The following KCNB2 variants were observed in gnomAD, a reference collection of about 807,000 sequenced individuals.
The protein encoded by KCNB2 is delayed rectifier potassium channel protein.
Under a neutral mutation model 61.5 loss-of-function variants are expected in KCNB2, and 15 were observed. That is an observed-to-expected ratio of 0.24 (90% confidence interval 0.16 to 0.38). KCNB2 has a LOEUF of 0.38. Ranked by LOEUF, KCNB2 falls within the 10% of genes least tolerant of loss-of-function variation. The pLI is 1.00. For synonymous variants in KCNB2, 457 were observed against 446.0 expected (o/e 1.02, Z -0.31); for missense variants, 828 against 1,125.2 (o/e 0.74, Z 3.78).
intron 2 of KCNB2, among the ~76,000 whole-genome samples, chr8:72,797,724 A>G (rs1379172796): frequency 6.6e-6 from 1 of 152,174 alleles, no homozygotes; most frequent in Non-Finnish European, 1.5e-5. Flanking sequence ...TTACAGGGAC[A>G]TGGCCTGAAC....
intron 2 of KCNB2, among the ~76,000 whole-genome samples, chr8:72,734,435 T>C (rs980007161): frequency 2.6e-5 from 4 of 152,242 alleles, no homozygotes; most frequent in African/African-American, 9.6e-5. Context: ...AACTGTTGGA[T>C]ATAAAGGGAG....
chr8:72,718,626 G>T (rs1423271665), intron 2 of KCNB2, among the ~76,000 whole-genome samples: 1 of 141,834 alleles, frequency 7.1e-6, no homozygotes, highest in Non-Finnish European at 1.5e-5. Context: ...AGAACACATG[G>T]ACACAGGAAG....
rs192912087 is a variant in KCNB2 at position 72,913,870 on chromosome 8, T to A, written c.580-22065T>A. On this transcript the variant is annotated intron_variant, in intron 2 of 2. Coordinates refer to ENST00000523207, the MANE Select transcript of KCNB2 (RefSeq NM_004770.3). ...ATTGTTTGAATTCTCTCTTGTGACA[T>A]GTCAGTTGGTTGATGTTGAGATTGT... Among the ~76,000 whole-genome samples, 8 of 152,334 alleles carry A rather than the reference T, an allele frequency of 5.3e-5. No homozygotes were observed. In the East Asian group the frequency reaches 9.6e-4, roughly 18 times the overall value.
chr8:72,566,473 G>T (rs1041632401), intron 1 of KCNB2, among the ~76,000 whole-genome samples: 27 of 152,036 alleles, frequency 1.8e-4, no homozygotes, highest in Middle Eastern at 6.8e-3. Context: ...GCCAAGGCCA[G>T]CGGATTGCTT....
intron 2 of KCNB2, among the ~76,000 whole-genome samples, chr8:72,708,200 T>A (rs924616304): frequency 3.9e-5 from 6 of 152,132 alleles, no homozygotes; most frequent in Non-Finnish European, 7.4e-5. Context: ...GAGCAAGATA[T>A]CGGGAAGGGT....
At chr8:72,933,547 T>C (rs1806834333) in intron 2 of KCNB2, among the ~76,000 whole-genome samples, 2 of 152,240 alleles carry the variant, frequency 1.3e-5, no homozygotes, top group Non-Finnish European at 2.9e-5. Context: ...ATACTTAAAA[T>C]GCCCAAAGAT....
intron 2 of KCNB2, among the ~76,000 whole-genome samples, chr8:72,847,339 C>G (rs946962088): frequency 1.3e-5 from 2 of 152,190 alleles, no homozygotes; most frequent in Admixed American, 1.3e-4. Flanking sequence ...CAACATCGCC[C>G]CCTTGTGGTC....
At chr8:72,756,328 A>G (rs1471043832) in intron 2 of KCNB2, among the ~76,000 whole-genome samples, 1 of 152,088 alleles carries the variant, frequency 6.6e-6, no homozygotes, top group East Asian at 1.9e-4. Flanking sequence ...GTCCTCAGTT[A>G]TCCTCCACTC....
At chr8:72,834,043 TA>T (rs1459155727) in intron 2 of KCNB2, among the ~76,000 whole-genome samples, 2 of 152,242 alleles carry the variant, frequency 1.3e-5, no homozygotes, top group South Asian at 2.1e-4. Flanking sequence ...ACAGGATTTT[TA>T]AAATAATAGT....
intron 2 of KCNB2, among the ~76,000 whole-genome samples, chr8:72,791,118 T>A (rs1343056132): frequency 6.6e-6 from 1 of 152,066 alleles, no homozygotes; most frequent in Non-Finnish European, 1.5e-5. Context: ...TTCAGAGTGA[T>A]TAGTATGAGG....
At chr8:72,712,429 GA>G (rs1454393871) in intron 2 of KCNB2, among the ~76,000 whole-genome samples, 1 of 152,172 alleles carries the variant, frequency 6.6e-6, no homozygotes, top group African/African-American at 2.4e-5. Flanking sequence ...GCATAATTCA[GA>G]AGGCCAAACT....
At chr8:72,848,913 T>C (rs1810044952) in intron 2 of KCNB2, among the ~76,000 whole-genome samples, 1 of 151,794 alleles carries the variant, frequency 6.6e-6, no homozygotes, top group South Asian at 2.1e-4. Context: ...CTAGAATATC[T>C]CAAAAAAATG....
chr8:72,812,151 A>G (rs2129000484), intron 2 of KCNB2, among the ~76,000 whole-genome samples: 1 of 152,076 alleles, frequency 6.6e-6, no homozygotes, highest in African/African-American at 2.4e-5. Context: ...AATCCCAGCT[A>G]CTCGCGAGGC....
At chr8:72,547,836 G>A (rs1053630722) in intron 1 of KCNB2, among the ~76,000 whole-genome samples, 7 of 152,146 alleles carry the variant, frequency 4.6e-5, no homozygotes, top group South Asian at 2.1e-4. Context: ...TGATTGACTC[G>A]AATTTGAACA....
chr8:72,638,050 CT>C (rs974187951), intron 2 of KCNB2, among the ~76,000 whole-genome samples: 1 of 152,046 alleles, frequency 6.6e-6, no homozygotes, highest in African/African-American at 2.4e-5. Flanking sequence ...TGCCAATCTC[CT>C]ATTATTGTAA....
intron 2 of KCNB2, among the ~76,000 whole-genome samples, chr8:72,899,665 A>G (rs1447884141): frequency 1.5e-5 from 2 of 132,432 alleles, no homozygotes; most frequent in Non-Finnish European, 3.3e-5. Flanking sequence ...GAATATAGCT[A>G]ACTAAAGGAG....
At chr8:72,776,144 C>T (rs1380201709) in intron 2 of KCNB2, among the ~76,000 whole-genome samples, 8 of 151,210 alleles carry the variant, frequency 5.3e-5, no homozygotes, top group East Asian at 2.0e-4. Context: ...AGCAAACTAT[C>T]GCAGGGACAA....
chr8:72,715,036 A>C (rs1204850432), intron 2 of KCNB2, among the ~76,000 whole-genome samples: 2 of 152,216 alleles, frequency 1.3e-5, no homozygotes. Flanking sequence ...ACAGACTTTA[A>C]ACCAACAAAG....
intron 1 of KCNB2, among the ~76,000 whole-genome samples, chr8:72,548,491 C>A (rs1438603659): frequency 6.6e-6 from 1 of 152,108 alleles, no homozygotes; most frequent in Non-Finnish European, 1.5e-5. Flanking sequence ...TCTGTGTAGT[C>A]CAGGCCACCT....
Sources: gnomAD v4.1 joint callset for allele counts (sites outside exome capture counted in the v4.1 genomes callset) on GRCh38, gnomAD v4.1.1 for gene constraint, MANE v1.5 for transcripts, NCBI Gene and HGNC (gene_info 2026-07-23, HGNC 2026-07-21) for gene names.